The following DACH2 variants were observed in gnomAD, a reference collection of about 807,000 sequenced individuals.
The protein encoded by DACH2 is dachshund homolog 2.
DACH2 carries 17 observed loss-of-function variants against 35.8 expected under a neutral mutation model. The observed-to-expected ratio is 0.48, with a 90% confidence interval of 0.33 to 0.71. DACH2 has a LOEUF of 0.71. Ranked by LOEUF, DACH2 falls within the 30% of genes least tolerant of loss-of-function variation. The pLI, the probability that DACH2 is intolerant of heterozygous loss-of-function variation, is 0.02. For missense variants in DACH2, 469 were observed against 472.7 expected (o/e 0.99, Z 0.07); for synonymous variants, 195 against 177.3 (o/e 1.10, Z -0.79).
intron 3 of DACH2, among the ~76,000 whole-genome samples, chrX:86,548,267 T>G (rs2039002261): frequency 9.0e-6 from 1 of 111,531 alleles, no homozygotes; most frequent in South Asian, 3.7e-4. Context: ...CATCCAAAAT[T>G]TTTTATGATC....
At chrX:86,774,613 A>ACAAT (rs2042014203) in intron 7 of DACH2, among the ~76,000 whole-genome samples, 1 of 112,017 alleles carries the variant, frequency 8.9e-6, no homozygotes, top group Non-Finnish European at 1.9e-5. Context: ...AGTAATAAAG[A>ACAAT]CAATCAATGG....
At chrX:86,377,763 G>A (rs1449224422) in intron 2 of DACH2, among the ~76,000 whole-genome samples, 1 of 110,241 alleles carries the variant, frequency 9.1e-6, no homozygotes, top group Non-Finnish European at 1.9e-5. Context: ...TAGGGGAGAT[G>A]AGGACTATAC....
chrX:86,292,846 G>C (rs182010310), intron 1 of DACH2, among the ~76,000 whole-genome samples: 9 of 108,086 alleles, frequency 8.3e-5, no homozygotes, highest in Non-Finnish European at 1.1e-4. Context: ...TTACTTCCAA[G>C]TATGTGGTCA....
chrX:86,360,843 T>C (rs1238833977), intron 1 of DACH2, among the ~76,000 whole-genome samples: 3 of 111,130 alleles, frequency 2.7e-5, no homozygotes, highest in Non-Finnish European at 1.9e-5. Flanking sequence ...ACTTATATAT[T>C]AAATAATATT....
Position 86,630,425 on chromosome X carries a change from T to C in DACH2, c.641-20611T>C, listed in dbSNP as rs1262106797. 8.4e-5 allele frequency among the ~76,000 whole-genome samples: 9 copies of C among 107,319 alleles called. No homozygotes were observed. The East Asian group carries it at 1.4e-3, about 17-fold the overall frequency. The allele number at this position is 107,319 out of a possible 115,157, so 93.2% of individuals were successfully genotyped here. A position where few individuals can be genotyped will look rare whatever the true frequency, so the allele number is the denominator to read the frequency against. On this transcript the variant is annotated intron_variant, in intron 3 of 11. Transcript: ENST00000373125. The stretch of plus-strand genomic sequence containing the variant: ...ATATACACATATATATATACACACA[T>C]ATATATATATGAACGAGAGAGAGCT...
At chrX:86,751,389 G>A (rs1324717193) in intron 7 of DACH2, among the ~76,000 whole-genome samples, 1 of 110,684 alleles carries the variant, frequency 9.0e-6, no homozygotes, top group African/African-American at 3.3e-5. Context: ...GATTTGCTAA[G>A]TGAGACTAGT....
chrX:86,779,991 T>C (rs2042074151), intron 7 of DACH2, among the ~76,000 whole-genome samples: 1 of 110,193 alleles, frequency 9.1e-6, no homozygotes, highest in African/African-American at 3.3e-5. Flanking sequence ...TTTTCTAACC[T>C]TGAGAGGCCA....
chrX:86,596,814 G>A (rs1235884672), intron 3 of DACH2, among the ~76,000 whole-genome samples: 1 of 111,107 alleles, frequency 9.0e-6, no homozygotes, highest in Non-Finnish European at 1.9e-5. Context: ...TCACCAAGAT[G>A]TACCCTTATA....
chrX:86,291,286 CT>C (rs1285348016), intron 1 of DACH2, among the ~76,000 whole-genome samples: 1 of 100,534 alleles, frequency 9.9e-6, no homozygotes, highest in Admixed American at 1.1e-4. Context: ...TATCCTGAGA[CT>C]TTGCTGAAGT....
intron 2 of DACH2, among the ~76,000 whole-genome samples, chrX:86,466,026 T>C (rs896066031): frequency 9.0e-6 from 1 of 111,613 alleles, no homozygotes; most frequent in African/African-American, 3.3e-5. Flanking sequence ...CATTAGTCCA[T>C]TTTCATGCTG....
intron 2 of DACH2, among the ~76,000 whole-genome samples, chrX:86,404,046 G>T (rs2036481598): frequency 9.1e-6 from 1 of 109,754 alleles, no homozygotes; most frequent in Non-Finnish European, 1.9e-5. Context: ...ACAGCATGGA[G>T]TAACTACCCC....
At chrX:86,293,240 G>C (rs2076328150) in intron 1 of DACH2, among the ~76,000 whole-genome samples, 1 of 71,596 alleles carries the variant, frequency 1.4e-5, no homozygotes, top group Non-Finnish European at 2.5e-5. Context: ...CAGAGACTAG[G>C]ATTGCAACCC....
intron 3 of DACH2, among the ~76,000 whole-genome samples, chrX:86,546,969 C>A (rs1193646453): frequency 1.8e-5 from 2 of 111,329 alleles, no homozygotes; most frequent in Non-Finnish European, 3.8e-5. Flanking sequence ...CAAGACTTGA[C>A]CCTGTCCTCC....
At chrX:86,405,773 T>G (rs1041185395) in intron 2 of DACH2, among the ~76,000 whole-genome samples, 7 of 111,903 alleles carry the variant, frequency 6.3e-5, no homozygotes, top group African/African-American at 2.3e-4. Flanking sequence ...CTCACACTGC[T>G]ATAAGTACAT....
At chrX:86,261,448 C>A (rs112916048) in intron 1 of DACH2, among the ~76,000 whole-genome samples, 1 of 111,812 alleles carries the variant, frequency 8.9e-6, no homozygotes, top group Non-Finnish European at 1.9e-5. Flanking sequence ...GGCTCTTATC[C>A]TTTTTCTCTT....
At chrX:86,764,398 G>A (rs1268223402) in intron 7 of DACH2, among the ~76,000 whole-genome samples, 2 of 110,289 alleles carry the variant, frequency 1.8e-5, no homozygotes, top group Non-Finnish European at 3.8e-5. Flanking sequence ...CCATCTAGTA[G>A]TTCCCAGTGT....
At chrX:86,606,782 G>A (rs1432704211) in intron 3 of DACH2, among the ~76,000 whole-genome samples, 1 of 111,738 alleles carries the variant, frequency 8.9e-6, no homozygotes, top group Non-Finnish European at 1.9e-5. Context: ...GTCCAATGCT[G>A]AAAGTGGGGT....
intron 1 of DACH2, among the ~76,000 whole-genome samples, chrX:86,158,668 T>A (rs1364631183): frequency 9.0e-6 from 1 of 110,561 alleles, no homozygotes; most frequent in East Asian, 2.8e-4. Flanking sequence ...ACTACCATCA[T>A]CCTATCATTA....
At chrX:86,509,277 A>G (rs902524706) in intron 2 of DACH2, among the ~76,000 whole-genome samples, 4 of 112,127 alleles carry the variant, frequency 3.6e-5, no homozygotes, top group Non-Finnish European at 5.6e-5. Context: ...TCCTGAAGAC[A>G]TGATGAACCA....
Sources: gnomAD v4.1 joint callset for allele counts (sites outside exome capture counted in the v4.1 genomes callset) on GRCh38, gnomAD v4.1.1 for gene constraint, MANE v1.5 for transcripts, NCBI Gene and HGNC (gene_info 2026-07-23, HGNC 2026-07-21) for gene names.